IL1RAPL2: variants seen among roughly 807,000 people sequenced by gnomAD.
IL1RAPL2 encodes X-linked interleukin-1 receptor accessory protein-like 2.
A neutral mutation model predicts 44.1 loss-of-function variants in IL1RAPL2; 3 were observed. That is an observed-to-expected ratio of 0.07 (90% CI 0.03 to 0.18). IL1RAPL2 has a LOEUF of 0.18. Ranked by LOEUF, IL1RAPL2 falls within the 10% of genes least tolerant of loss-of-function variation. The pLI, the probability that IL1RAPL2 is intolerant of heterozygous loss-of-function variation, is 1.00. For missense variants in IL1RAPL2, 391 were observed against 496.4 expected, an observed-to-expected ratio of 0.79 and a Z score of 2.02; for synonymous variants, 181 against 178.8, an observed-to-expected ratio of 1.01 and a Z score of -0.10.
intron 5 of IL1RAPL2, among the ~76,000 whole-genome samples, chrX:105,399,937 A>T (rs1412477487): frequency 9.0e-6 from 1 of 110,937 alleles, no homozygotes. Flanking sequence ...GGAGGAAGTG[A>T]TACTTAATCT....
At chrX:105,276,384 G>A (rs377014030) in intron 5 of IL1RAPL2, among the ~76,000 whole-genome samples, 3 of 112,541 alleles carry the variant, frequency 2.7e-5, no homozygotes, top group East Asian at 5.6e-4. Flanking sequence ...CTCCAGCCTG[G>A]GCAACAAGAG....
At position 105,670,955 on chromosome X, in the gene IL1RAPL2, T is replaced by G. The variant is rs188366837; in HGVS notation, c.773-46412T>G. 5.0e-3 allele frequency among the ~76,000 whole-genome samples: 535 copies of G among 107,550 alleles called. 6 individuals are homozygous for G. Among genetic ancestry groups the G allele is most frequent in the African/African-American group, 0.017 (512 of 29,778 alleles). 93.4% of individuals were successfully genotyped at this position (107,550 alleles called of 115,157 possible). On this transcript the variant is annotated intron_variant, in intron 6 of 10. Transcript: ENST00000372582. ...ATATATAATATATAATATTTATTAT[T>G]TATTTATTTTGAGAGAGAGTTTCAC...
Position 104,729,447 on chromosome X carries a change from C to CTTTTTTTT in IL1RAPL2, c.82+70469_82+70476dup, listed in dbSNP as rs5903245. Among the ~76,000 whole-genome samples, 3 of 46,475 alleles carry CTTTTTTTT rather than the reference C, an allele frequency of 6.5e-5. 1 individual carries two copies. The highest frequency in any genetic ancestry group is 6.7e-4 in the Admixed American group (2 of 2,994). 40.4% of individuals were successfully genotyped at this position (46,475 alleles called of 115,157 possible). A position where few individuals can be genotyped will look rare whatever the true frequency, so the allele number is the denominator to read the frequency against. ...CCACAGCCCAAATAGGGCCTGCTGC[C>CTTTTTTTT]TTTTTTTTTTTTTTTTTTTTTTTTG... On this transcript the variant is annotated intron_variant, in intron 2 of 10. Coordinates refer to ENST00000372582, the MANE Select transcript of IL1RAPL2 (RefSeq NM_017416.2).
chrX:104,942,729 A>G (rs960224569), intron 2 of IL1RAPL2, among the ~76,000 whole-genome samples: 5 of 111,264 alleles, frequency 4.5e-5, no homozygotes, highest in African/African-American at 1.6e-4. Flanking sequence ...TTCCAACACT[A>G]TGTTGAATAG....
intron 2 of IL1RAPL2, among the ~76,000 whole-genome samples, chrX:104,942,885 T>C (rs750637416): frequency 2.7e-5 from 3 of 111,837 alleles, no homozygotes; most frequent in African/African-American, 6.5e-5. Context: ...ACCTAGTTTA[T>C]TGAGAGTTTT....
At chrX:105,716,460 C>A (rs1488529458) in intron 6 of IL1RAPL2, among the ~76,000 whole-genome samples, 4 of 111,539 alleles carry the variant, frequency 3.6e-5, no homozygotes, top group African/African-American at 1.3e-4. Context: ...AAGGAGGCCC[C>A]ATTTTACACA....
intron 3 of IL1RAPL2, among the ~76,000 whole-genome samples, chrX:105,206,581 C>T (rs1556152476): frequency 8.9e-6 from 1 of 111,970 alleles, no homozygotes; most frequent in East Asian, 2.8e-4. Context: ...AAGTTCTGTG[C>T]TTCTGTGTGT....
intron 5 of IL1RAPL2, among the ~76,000 whole-genome samples, chrX:105,468,159 A>G (rs955981093): frequency 1.5e-4 from 17 of 112,091 alleles, no homozygotes; most frequent in Non-Finnish European, 2.8e-4. Context: ...TTAAAGTTTC[A>G]TCATCTTTAG....
chrX:104,753,320 T>C (rs770959757), intron 2 of IL1RAPL2, among the ~76,000 whole-genome samples: 10 of 110,373 alleles, frequency 9.1e-5, no homozygotes, highest in Non-Finnish European at 1.9e-4. Flanking sequence ...CACAGTTATA[T>C]ATATATTTGG....
At chrX:104,849,207 T>G (rs1459096971) in intron 2 of IL1RAPL2, among the ~76,000 whole-genome samples, 1 of 106,326 alleles carries the variant, frequency 9.4e-6, no homozygotes, top group Non-Finnish European at 1.9e-5. Context: ...TTTTTGTATT[T>G]TTTGTAGAGA....
rs1358763685 is a variant in IL1RAPL2 at position 104,867,721 on chromosome X, G to C, written c.82+208726G>C. 3.8e-4 allele frequency among the ~76,000 whole-genome samples: 42 copies of C among 111,864 alleles called. No homozygotes were observed. The Admixed American group carries it at 4.0e-3, about 11-fold the overall frequency. ...CAGGGAGGTAGATAATCAACTATGT[G>C]TTTCAGATACACTCTTTGCAGTATG... On this transcript the variant is annotated intron_variant, in intron 2 of 10. Coordinates refer to ENST00000372582, the MANE Select transcript of IL1RAPL2 (RefSeq NM_017416.2).
chrX:105,307,296 C>T (rs1447568158), intron 5 of IL1RAPL2, among the ~76,000 whole-genome samples: 1 of 94,150 alleles, frequency 1.1e-5, no homozygotes, highest in Non-Finnish European at 2.1e-5. Context: ...ATTAGCTAGG[C>T]ATGGTTACAC....
chrX:105,670,261 G>T, intron 6 of IL1RAPL2, among the ~76,000 whole-genome samples: 1 of 97,230 alleles, frequency 1.0e-5, no homozygotes, highest in African/African-American at 3.8e-5. Context: ...GCTATTCTAA[G>T]TTCTTTGACT....
intron 6 of IL1RAPL2, among the ~76,000 whole-genome samples, chrX:105,553,461 C>A (rs997180835): frequency 9.0e-6 from 1 of 111,624 alleles, no homozygotes; most frequent in Non-Finnish European, 1.9e-5. Flanking sequence ...GTGGGCTGAG[C>A]TAATGCCCAG....
In IL1RAPL2 at chrX:105,363,289, AATATATATATATATATATAAT is replaced by A. The variant is rs1200157914; in HGVS notation, c.697+95768_697+95788del. Among the ~76,000 whole-genome samples, 29 of 76,206 alleles carry A rather than the reference AATATATATATATATATATAAT, an allele frequency of 3.8e-4. 1 individual carries two copies. The highest frequency in any genetic ancestry group is 3.5e-3 in the South Asian group (7 of 1,976). 66.2% of individuals were successfully genotyped at this position (76,206 alleles called of 115,157 possible). On this transcript the variant is annotated intron_variant, in intron 5 of 10. Transcript: ENST00000372582. ...TATATATATGTGTGTATATATATAT[AATATATATATATATATATAAT>A]ATATATATATATATATATATTCTTC...
intron 2 of IL1RAPL2, among the ~76,000 whole-genome samples, chrX:104,799,640 T>A (rs1433430691): frequency 8.9e-6 from 1 of 112,306 alleles, no homozygotes; most frequent in African/African-American, 3.2e-5. Context: ...CCATTTTGAC[T>A]TATTTAAAAC....
At chrX:104,975,043 T>C (rs2030306897) in intron 2 of IL1RAPL2, among the ~76,000 whole-genome samples, 1 of 112,169 alleles carries the variant, frequency 8.9e-6, no homozygotes, top group Non-Finnish European at 1.9e-5. Flanking sequence ...AATTGCATTT[T>C]TTGGCTATTT....
At chrX:105,655,024 G>C (rs932298226) in intron 6 of IL1RAPL2, among the ~76,000 whole-genome samples, 1 of 112,382 alleles carries the variant, frequency 8.9e-6, no homozygotes, top group Non-Finnish European at 1.9e-5. Flanking sequence ...AGATTTGGTT[G>C]AAATGGTGGA....
chrX:105,062,786 C>A (rs2032091436), intron 2 of IL1RAPL2, among the ~76,000 whole-genome samples: 1 of 111,691 alleles, frequency 9.0e-6, no homozygotes, highest in African/African-American at 3.3e-5. Flanking sequence ...GGTTTCCACT[C>A]AGAAGTCTGC....
Sources: gnomAD v4.1 joint callset for allele counts (sites outside exome capture counted in the v4.1 genomes callset) on GRCh38, gnomAD v4.1.1 for gene constraint, MANE v1.5 for transcripts, NCBI Gene and HGNC (gene_info 2026-07-23, HGNC 2026-07-21) for gene names.